GHR: variants seen among roughly 807,000 people sequenced by gnomAD.
GHR encodes GH receptor.
In GHR, 35 loss-of-function variants were observed where a neutral mutation model predicts 67.1. That is an observed-to-expected ratio of 0.52 (90% confidence interval 0.40 to 0.69). GHR has a LOEUF of 0.69. Ranked by LOEUF, GHR falls within the 30% of genes least tolerant of loss-of-function variation. GHR has a pLI of 0.00. For missense variants in GHR, 792 were observed against 764.6 expected (o/e 1.04, Z -0.42); for synonymous variants, 272 against 269.1 (o/e 1.01, Z -0.10).
At chr5:42,477,504 G>A (rs920035728) in intron 1 of GHR, among the ~76,000 whole-genome samples, 1 of 152,200 alleles carries the variant, frequency 6.6e-6, no homozygotes, top group Non-Finnish European at 1.5e-5. Flanking sequence ...CACCAACAGT[G>A]TAAAAGTGTT....
chr5:42,660,774 G>A (rs1755558729), intron 3 of GHR, among the ~76,000 whole-genome samples: 2 of 152,224 alleles, frequency 1.3e-5, no homozygotes, highest in South Asian at 2.1e-4. Flanking sequence ...TGACTTTGAC[G>A]AGCTGAGAGA....
intron 2 of GHR, among the ~76,000 whole-genome samples, chr5:42,620,000 C>T (rs145058678): frequency 6.6e-6 from 1 of 152,274 alleles, no homozygotes; most frequent in East Asian, 1.9e-4. Context: ...GACAAACATG[C>T]TGCTGCATGC....
chr5:42,425,140 G>A (rs778183798), intron 1 of GHR: 2 of 439,780 alleles, frequency 4.5e-6, no homozygotes, highest in Non-Finnish European at 6.0e-6. Context: ...AGTGGCTGAG[G>A]ACTGGAAGTG....
rs555115140 is a variant in GHR at position 42,708,418 on chromosome 5, T to C, written c.619-2789T>C. Among the ~76,000 whole-genome samples the C allele has an allele frequency of 1.4e-3, 215 of 152,300 alleles. 1 individual carries two copies. The highest frequency in any genetic ancestry group is 9.7e-3 in the South Asian group (47 of 4,826). On this transcript the variant is annotated intron_variant, in intron 6 of 9. Coordinates refer to ENST00000230882, the MANE Select transcript of GHR (RefSeq NM_000163.5). ...AGTATCACTCTTCTCACTCTCTTTT[T>C]TGTTGTTTGGGAAAGTACAATAATT...
At chr5:42,555,494 C>G (rs901494936) in intron 1 of GHR, among the ~76,000 whole-genome samples, 8 of 152,160 alleles carry the variant, frequency 5.3e-5, no homozygotes, top group African/African-American at 1.9e-4. Flanking sequence ...ATTGAAGAAG[C>G]ATGGGAAAGT....
intron 3 of GHR, among the ~76,000 whole-genome samples, chr5:42,676,010 G>A (rs1021414087): frequency 1.3e-5 from 2 of 152,158 alleles, no homozygotes; most frequent in Non-Finnish European, 2.9e-5. Flanking sequence ...AAATTGGCTG[G>A]GTATGGTGGC....
chr5:42,676,484 T>G (rs1756579250), intron 3 of GHR, among the ~76,000 whole-genome samples: 1 of 152,194 alleles, frequency 6.6e-6, no homozygotes, highest in South Asian at 2.1e-4. Context: ...TTATTAAATT[T>G]TTTGTCAGTT....
At chr5:42,566,794 C>T (rs1175594311) in intron 2 of GHR, among the ~76,000 whole-genome samples, 3 of 151,964 alleles carry the variant, frequency 2.0e-5, no homozygotes, top group East Asian at 1.9e-4. Flanking sequence ...GTGTCAGACT[C>T]CCCTTCTCAC....
At chr5:42,468,536 AGAACAAT>A in intron 1 of GHR, 1 of 816,892 alleles carries the variant, frequency 1.2e-6, no homozygotes, top group Non-Finnish European at 2.0e-6. Flanking sequence ...TACTGGCACG[AGAACAAT>A]GACCCTTATT....
intron 1 of GHR, among the ~76,000 whole-genome samples, chr5:42,503,792 T>C (rs947252546): frequency 7.1e-6 from 1 of 139,990 alleles, no homozygotes; most frequent in African/African-American, 2.7e-5. Flanking sequence ...TCTAATTAGA[T>C]GACTTTTTTT....
intron 1 of GHR, among the ~76,000 whole-genome samples, chr5:42,542,625 T>A (rs911543945): frequency 6.6e-6 from 1 of 152,182 alleles, no homozygotes; most frequent in African/African-American, 2.4e-5. Context: ...TTTCAAAATT[T>A]TATACATGTA....
chr5:42,488,375 A>T (rs1745971756), intron 1 of GHR, among the ~76,000 whole-genome samples: 1 of 152,152 alleles, frequency 6.6e-6, no homozygotes, highest in Non-Finnish European at 1.5e-5. Context: ...TGGAATTTGA[A>T]CCCAGGTTTC....
intron 1 of GHR, among the ~76,000 whole-genome samples, chr5:42,502,514 A>G (rs1746580772): frequency 6.6e-6 from 1 of 152,128 alleles, no homozygotes; most frequent in Non-Finnish European, 1.5e-5. Context: ...ATATTTAGAA[A>G]TTATGCCTAC....
chr5:42,441,544 A>C (rs1168901736), intron 1 of GHR, among the ~76,000 whole-genome samples: 8 of 151,514 alleles, frequency 5.3e-5, no homozygotes, highest in Non-Finnish European at 4.4e-5. Flanking sequence ...GAGTCTCGCC[A>C]TGTCGCCCAG....
At chr5:42,477,546 T>C (rs1488104135) in intron 1 of GHR, among the ~76,000 whole-genome samples, 3 of 152,332 alleles carry the variant, frequency 2.0e-5, no homozygotes, top group East Asian at 3.9e-4. Context: ...CAGCACCTGT[T>C]GTTTCCTGAC....
intron 2 of GHR, among the ~76,000 whole-genome samples, chr5:42,579,473 T>C (rs1245863458): frequency 6.6e-6 from 1 of 152,220 alleles, no homozygotes; most frequent in Admixed American, 6.5e-5. Flanking sequence ...GGACATGAGT[T>C]GTTAGCATGT....
chr5:42,715,104 T>A (rs1210823873), intron 8 of GHR: 1 of 365,432 alleles, frequency 2.7e-6, no homozygotes, highest in South Asian at 2.1e-5. Context: ...TGCTTAACTA[T>A]AATGTTTAGT....
intron 3 of GHR, among the ~76,000 whole-genome samples, chr5:42,662,022 T>C (rs1419618814): frequency 3.3e-5 from 5 of 152,128 alleles, no homozygotes; most frequent in African/African-American, 1.2e-4. Context: ...CATTACATAA[T>C]GGTAAAGGGA....
intron 1 of GHR, among the ~76,000 whole-genome samples, chr5:42,457,167 G>C (rs1744297092): frequency 6.6e-6 from 1 of 152,156 alleles, no homozygotes. Context: ...GTGTCTCTCT[G>C]AGAGCAAGTA....
Sources: allele counts gnomAD v4.1 joint callset (sites outside exome capture counted in the v4.1 genomes callset), GRCh38; gene constraint gnomAD v4.1.1; transcripts MANE v1.5; gene names NCBI Gene and HGNC (gene_info 2026-07-23, HGNC 2026-07-21).